Variants in HDGFL3 observed in about 807,000 individuals in gnomAD.
The protein encoded by HDGFL3 is HDGF like 3.
HDGFL3 carries 6 observed loss-of-function variants against 27.6 expected under a neutral mutation model. The ratio of observed to expected loss-of-function variants is 0.22; its 90% CI spans 0.12 to 0.43. The LOEUF is 0.43. Ranked by LOEUF, HDGFL3 falls within the 20% of genes least tolerant of loss-of-function variation. HDGFL3 has a pLI of 1.00. For missense variants in HDGFL3, 207 were observed against 250.1 expected (o/e 0.83, Z 1.16); for synonymous variants, 88 against 88.9 (o/e 0.99, Z 0.05).
intron 1 of HDGFL3, among the ~76,000 whole-genome samples, chr15:83,172,822 C>CAAA (rs767796165): frequency 4.5e-5 from 3 of 66,758 alleles, no homozygotes; most frequent in African/African-American, 1.1e-4. Flanking sequence ...GACTCCAGCT[C>CAAA]AAAAAAAAAA....
chr15:83,165,794 CAAAAAAA>C (rs57873221), intron 1 of HDGFL3, among the ~76,000 whole-genome samples: 70 of 13,840 alleles, frequency 5.1e-3, no homozygotes, highest in African/African-American at 8.9e-3. Context: ...GAATCCATCT[CAAAAAAA>C]AAAAAAAAAA....
intron 2 of HDGFL3, among the ~76,000 whole-genome samples, chr15:83,162,036 TACTC>T (rs1421620403): frequency 6.6e-6 from 1 of 152,180 alleles, no homozygotes; most frequent in Non-Finnish European, 1.5e-5. Context: ...GTGCCTAGGG[TACTC>T]CTTTAGCTGA....
At chr15:83,142,843 T>G (rs939440554) in intron 5 of HDGFL3, among the ~76,000 whole-genome samples, 1 of 152,184 alleles carries the variant, frequency 6.6e-6, no homozygotes, top group Admixed American at 6.5e-5. Context: ...TTTGCAAAAA[T>G]GTAAAAATGT....
At chr15:83,175,818 C>A (rs953671444) in intron 1 of HDGFL3, among the ~76,000 whole-genome samples, 1 of 152,218 alleles carries the variant, frequency 6.6e-6, no homozygotes, top group Admixed American at 6.5e-5. Context: ...TGAGATCAAG[C>A]CACTGTACTC....
chr15:83,206,701 A>G (rs1009139603), intron 1 of HDGFL3, among the ~76,000 whole-genome samples: 1 of 152,232 alleles, frequency 6.6e-6, no homozygotes, highest in Non-Finnish European at 1.5e-5. Flanking sequence ...GCTCTCGGCT[A>G]TCAGAGGTCG....
downstream of HDGFL3, among the ~76,000 whole-genome samples, chr15:83,125,696 C>T (rs2035679971): frequency 1.3e-5 from 2 of 152,172 alleles, no homozygotes; most frequent in African/African-American, 4.8e-5. Flanking sequence ...AATTTCTATT[C>T]GAAGCCTGTT....
intron 2 of HDGFL3, among the ~76,000 whole-genome samples, chr15:83,161,376 G>A (rs1448129251): frequency 2.6e-5 from 4 of 152,250 alleles, no homozygotes; most frequent in South Asian, 2.1e-4. Flanking sequence ...GCCCAGGCTA[G>A]TCTCGAACTC....
Position 83,207,524 on chromosome 15 carries a change from C to A in HDGFL3, c.-110G>T, listed in dbSNP as rs1314166960. 5.9e-6 allele frequency: 5 copies of A among 854,204 alleles called. No individual in the cohort carries two copies. The highest frequency in any genetic ancestry group is 1.8e-5 in the African/African-American group (1 of 56,470). The allele number at this position is 854,204 out of a possible 1,614,324, so 52.9% of individuals were successfully genotyped here. A position where few individuals can be genotyped will look rare whatever the true frequency, so the allele number is the denominator to read the frequency against. On this transcript the variant is annotated 5_prime_UTR_variant, in exon 1 of 6. Coordinates refer to ENST00000299633, the MANE Select transcript of HDGFL3 (RefSeq NM_016073.4). The surrounding 1 kb of genome is among the most constrained non-coding windows in gnomAD (Gnocchi z 4.8). Reference sequence around the variant, plus strand: ...CGCTCCCCGCGGGCCTCAAGCCGGGCGGACGAGCGGCCGCTCCGACGAGGG... The same window carrying A: ...CGCTCCCCGCGGGCCTCAAGCCGGGAGGACGAGCGGCCGCTCCGACGAGGG...
At chr15:83,124,699 C>A, downstream of HDGFL3, 1 of 1,614,098 alleles carries the variant, frequency 6.2e-7, no homozygotes, top group South Asian at 1.1e-5. Flanking sequence ...AGCGAAAGAC[C>A]TGCTGAGAAG....
At chr15:83,157,599 AT>A in intron 3 of HDGFL3, 26 bp from the exon 4 acceptor site, 1 of 1,585,598 alleles carries the variant, frequency 6.3e-7, no homozygotes, top group Middle Eastern at 1.7e-4. Context: ...ATATTAGCTG[AT>A]TACATTTTTG....
chr15:83,115,390 T>A (rs1233569188), exon 4 of HDGFL3: 1 of 315,562 alleles, frequency 3.2e-6, no homozygotes, highest in Admixed American at 4.4e-5. Flanking sequence ...AGTGCTGGGA[T>A]TACAGACTTG....
intron 2 of HDGFL3, among the ~76,000 whole-genome samples, chr15:83,161,808 CTA>C (rs1202584789): frequency 6.6e-6 from 1 of 152,008 alleles, no homozygotes. Flanking sequence ...TGGTTAATTG[CTA>C]TATGTTTTAA....
chr15:83,157,610 G>GA, intron 3 of HDGFL3, 37 bp from the exon 4 acceptor site: 1 of 1,540,728 alleles, frequency 6.5e-7, no homozygotes, highest in Non-Finnish European at 8.9e-7. Flanking sequence ...TTACATTTTT[G>GA]AAAAAATAGC....
Position 83,157,485 on chromosome 15 carries a change from T to C in HDGFL3, c.389A>G (p.Glu130Gly). 1 of 1,613,286 alleles carries C rather than the reference T, an allele frequency of 6.2e-7. No homozygotes were observed. Among genetic ancestry groups the C allele is most frequent in the Non-Finnish European group, 8.5e-7 (1 of 1,179,224 alleles). ...CTTTCTTTTGCCTTTTCCATCTTCT[T>C]CTACTCTATCACCTTCTTCCTCACT... ...ASSEEEGDRV[E>G]EDGKGKRKNE... The change falls in exon 4 of 6, where the codon GAA (glutamate) becomes GGA (glycine). Residue 130 changes from glutamate (E) to glycine (G), a missense_variant. Transcript: ENST00000299633.
intron 1 of HDGFL3, among the ~76,000 whole-genome samples, chr15:83,186,872 G>A (rs984357447): frequency 1.3e-5 from 2 of 151,932 alleles, no homozygotes; most frequent in Non-Finnish European, 2.9e-5. Flanking sequence ...ACCCCATAAA[G>A]ATATTGAAAA....
intron 1 of HDGFL3, among the ~76,000 whole-genome samples, chr15:83,188,907 T>C (rs1244036452): frequency 6.6e-6 from 1 of 152,224 alleles, no homozygotes; most frequent in East Asian, 1.9e-4. Flanking sequence ...TAACATCTTG[T>C]GGCCTAATCT....
chr15:83,138,300 G>A lies in HDGFL3; in HGVS notation c.*970C>T, dbSNP rs542722990. 6.6e-6 allele frequency: 1 copy of A among 152,580 alleles called. No homozygotes were observed. Among genetic ancestry groups the A allele is most frequent in the Non-Finnish European group, 1.5e-5 (1 of 67,972 alleles). 9.5% of individuals were successfully genotyped at this position (152,580 alleles called of 1,614,324 possible). On this transcript the variant is annotated 3_prime_UTR_variant, in exon 6 of 6. Coordinates refer to ENST00000299633, the MANE Select transcript of HDGFL3 (RefSeq NM_016073.4). ...GATGTTCCAAGGACAAGCATTAACA[G>A]GATTGATAAAACCCAAACTGACTAA...
At chr15:83,115,884 T>C in intron 3 of HDGFL3, 1 of 1,614,180 alleles carries the variant, frequency 6.2e-7, no homozygotes, top group African/African-American at 1.3e-5. Flanking sequence ...GTGAACCTCA[T>C]CATAGGACTG....
At chr15:83,114,674 T>G (rs2034495639) in exon 4 of HDGFL3, 1 of 152,452 alleles carries the variant, frequency 6.6e-6, no homozygotes, top group South Asian at 2.1e-4. Flanking sequence ...CCCACACTCC[T>G]CTCCATTTCT....
Sources: gnomAD v4.1 joint callset for allele counts (sites outside exome capture counted in the v4.1 genomes callset) on GRCh38, gnomAD v4.1.1 for gene constraint, Gnocchi (gnomAD v3.1) non-coding constraint, MANE v1.5 for transcripts, NCBI Gene and HGNC (gene_info 2026-07-23, HGNC 2026-07-21) for gene names.